PHYHIPL: variants seen among roughly 807,000 people sequenced by gnomAD.
The protein encoded by PHYHIPL is phytanoyl-CoA hydroxylase-interacting protein-like.
A neutral mutation model predicts 33.4 loss-of-function variants in PHYHIPL; 9 were observed. The ratio of observed to expected loss-of-function variants is 0.27; its 90% CI spans 0.16 to 0.47. The LOEUF (loss-of-function observed/expected upper bound fraction) is 0.47. Among genes scored for constraint, PHYHIPL ranks in the 20% least tolerant of loss-of-function variants. The pLI is 0.99. For synonymous variants in PHYHIPL, 153 were observed against 154.1 expected (o/e 0.99, Z 0.05); for missense variants, 365 against 460.7 (o/e 0.79, Z 1.90).
intron 1 of PHYHIPL, among the ~76,000 whole-genome samples, chr10:59,230,211 T>C (rs986164580): frequency 1.5e-4 from 11 of 74,292 alleles, no homozygotes; most frequent in African/African-American, 5.4e-4. Context: ...AAAATTGCTT[T>C]CTTTTTTTTT....
intron 1 of PHYHIPL, among the ~76,000 whole-genome samples, chr10:59,233,423 A>G (rs1840134983): frequency 1.3e-5 from 2 of 151,808 alleles, no homozygotes; most frequent in South Asian, 4.1e-4. Context: ...TTCTTATTTG[A>G]ATAACATTTT....
intron 1 of PHYHIPL, among the ~76,000 whole-genome samples, chr10:59,192,204 A>C (rs941487676): frequency 1.1e-4 from 16 of 152,148 alleles, no homozygotes; most frequent in African/African-American, 3.9e-4. Flanking sequence ...AATATTTGCT[A>C]TTTGTATTAC....
At chr10:59,217,864 A>G (rs1437840918) in intron 1 of PHYHIPL, among the ~76,000 whole-genome samples, 1 of 152,112 alleles carries the variant, frequency 6.6e-6, no homozygotes, top group Non-Finnish European at 1.5e-5. Flanking sequence ...GATGCTTACC[A>G]GAAAAAAACA....
intron 1 of PHYHIPL, among the ~76,000 whole-genome samples, chr10:59,196,466 G>T (rs1838921513): frequency 6.8e-6 from 1 of 146,728 alleles, no homozygotes. Flanking sequence ...CCAGGCTGGA[G>T]TGCAGTGGTG....
intron 1 of PHYHIPL, among the ~76,000 whole-genome samples, chr10:59,178,098 G>C (rs1160510573): frequency 6.6e-6 from 1 of 152,190 alleles, no homozygotes; most frequent in East Asian, 1.9e-4. Flanking sequence ...TCATTTAAAT[G>C]GTAATCACTT....
At chr10:59,238,894 G>A (rs1464379009) in intron 4 of PHYHIPL, 189 bp downstream of exon 4, 11 of 485,076 alleles carry the variant, frequency 2.3e-5, no homozygotes, top group Non-Finnish European at 3.7e-5. Flanking sequence ...ATTTCACTTA[G>A]ATTCCTTTCC....
In PHYHIPL at chr10:59,246,540, A is replaced by ACTT. The variant is rs1225474489; in HGVS notation, c.*951_*953dup. ...ACATGAGAGAAAATGTTGACCTTTT[A>ACTT]CTTCCTTTTACAAAAATGAAAATAA... On this transcript the variant is annotated 3_prime_UTR_variant, in exon 5 of 5. Coordinates refer to ENST00000373880, the MANE Select transcript of PHYHIPL (RefSeq NM_032439.4). 5.1e-6 allele frequency: 2 copies of ACTT among 394,266 alleles called. No individual in the cohort carries two copies. Among genetic ancestry groups the ACTT allele is most frequent in the African/African-American group, 4.1e-5 (2 of 48,550 alleles). The allele number at this position is 394,266 out of a possible 1,614,324, so 24.4% of individuals were successfully genotyped here.
chr10:59,220,413 G>C (rs147478702), intron 1 of PHYHIPL, among the ~76,000 whole-genome samples: 64 of 151,992 alleles, frequency 4.2e-4, no homozygotes, highest in Middle Eastern at 3.4e-3. Context: ...ACTAAACCTT[G>C]GTGTCTCATT....
intron 1 of PHYHIPL, among the ~76,000 whole-genome samples, chr10:59,198,969 T>G (rs1351559542): frequency 1.3e-5 from 2 of 152,234 alleles, no homozygotes; most frequent in South Asian, 4.1e-4. Flanking sequence ...CTTTGTCAGA[T>G]GAGTAGATTG....
intron 1 of PHYHIPL, among the ~76,000 whole-genome samples, chr10:59,180,065 G>A (rs1464026413): frequency 1.3e-5 from 2 of 151,468 alleles, no homozygotes; most frequent in East Asian, 3.9e-4. Flanking sequence ...TTGCATACAT[G>A]ATGTACTTTT....
chr10:59,240,501 T>TA (rs202003257), intron 4 of PHYHIPL, among the ~76,000 whole-genome samples: 8,228 of 144,854 alleles, frequency 0.057, 306 homozygotes, highest in Non-Finnish European at 0.073. Flanking sequence ...GTCTATTTTA[T>TA]AAAAAAAAAA....
At chr10:59,202,962 A>C (rs1839165694) in intron 1 of PHYHIPL, among the ~76,000 whole-genome samples, 1 of 152,212 alleles carries the variant, frequency 6.6e-6, no homozygotes, top group Non-Finnish European at 1.5e-5. Flanking sequence ...TGCAGCACCC[A>C]TAACTTCTGC....
rs1839959224 is a variant in PHYHIPL at position 59,227,559 on chromosome 10, GT to G, written c.107-6744del. On this transcript the variant is annotated intron_variant, in intron 1 of 4. Coordinates refer to ENST00000373880, the MANE Select transcript of PHYHIPL (RefSeq NM_032439.4). ...CATAGCAATATATTATACTTATTAA[GT>G]AAGATAAACTGGTCATTTTTAATTT... Among the ~76,000 whole-genome samples the G allele has an allele frequency of 4.6e-5, 7 of 152,230 alleles. No homozygotes were observed. The South Asian group carries it at 1.5e-3, about 32-fold the overall frequency.
At position 59,224,999 on chromosome 10, in the gene PHYHIPL, T is replaced by TA. The variant is rs202061866; in HGVS notation, c.107-9299dup. ...GTGAATGCTGCCAGAAATGTCAAGTTAAAAAACCAAAAAGGATGAAAAGTT... is the reference window on the plus strand; with the variant it reads ...GTGAATGCTGCCAGAAATGTCAAGTTAAAAAAACCAAAAAGGATGAAAAGTT... On this transcript the variant is annotated intron_variant, in intron 1 of 4. Transcript: ENST00000373880. Among the ~76,000 whole-genome samples, 107 of 151,642 alleles carry TA rather than the reference T, an allele frequency of 7.1e-4. 1 individual carries two copies. The East Asian group carries it at 0.016, about 22-fold the overall frequency.
At chr10:59,236,387 T>A in intron 2 of PHYHIPL, 96 bp from the exon 3 acceptor site, 1 of 526,426 alleles carries the variant, frequency 1.9e-6, no homozygotes, top group Middle Eastern at 3.2e-4. Context: ...CTCCCTTCCC[T>A]CCTTCCTCCC....
chr10:59,232,881 T>A (rs1346147568), intron 1 of PHYHIPL, among the ~76,000 whole-genome samples: 1 of 151,868 alleles, frequency 6.6e-6, no homozygotes. Context: ...ATTGTTTGAG[T>A]GTTTTTTGCC....
At chr10:59,224,497 A>AAACAAAACACAACAC (rs370140471) in intron 1 of PHYHIPL, among the ~76,000 whole-genome samples, 2 of 70,410 alleles carry the variant, frequency 2.8e-5, no homozygotes, top group Non-Finnish European at 7.7e-5. Flanking sequence ...AAACAAAACA[A>AAACAAAACACAACAC]AAAACAAAAC....
At chr10:59,189,920 A>G (rs1024647756) in intron 1 of PHYHIPL, among the ~76,000 whole-genome samples, 4 of 152,034 alleles carry the variant, frequency 2.6e-5, no homozygotes, top group Non-Finnish European at 4.4e-5. Context: ...GGAGGAAAGA[A>G]GTGTGCCTGG....
At chr10:59,197,213 G>A (rs1838945310) in intron 1 of PHYHIPL, among the ~76,000 whole-genome samples, 2 of 152,094 alleles carry the variant, frequency 1.3e-5, no homozygotes, top group African/African-American at 4.8e-5. Flanking sequence ...CTCCTCAGTG[G>A]TCTGATCTTA....
Sources: allele counts gnomAD v4.1 joint callset (sites outside exome capture counted in the v4.1 genomes callset), GRCh38; gene constraint gnomAD v4.1.1; transcripts MANE v1.5; gene names NCBI Gene and HGNC (gene_info 2026-07-23, HGNC 2026-07-21).